PPP4R1: variants seen among roughly 807,000 people sequenced by gnomAD.
PPP4R1 encodes the protein protein phosphatase 4 regulatory subunit 1.
Under a neutral mutation model 111.2 loss-of-function variants are expected in PPP4R1, and 42 were observed. The observed-to-expected ratio is 0.38, with a 90% CI of 0.29 to 0.49. PPP4R1 has a LOEUF of 0.49. Among genes scored for constraint, PPP4R1 ranks in the 20% least tolerant of loss-of-function variants. PPP4R1 has a pLI of 0.97. For synonymous variants in PPP4R1, 409 were observed against 405.5 expected (o/e 1.01, Z -0.10); for missense variants, 1,012 against 1,161.6 (o/e 0.87, Z 1.87).
At chr18:9,594,244 T>C (rs1371630735) in intron 3 of PPP4R1, 1 of 156,516 alleles carries the variant, frequency 6.4e-6, no homozygotes, top group African/African-American at 2.4e-5. Context: ...TCTAGAATTT[T>C]AAAAGACAAA....
Position 9,570,182 on chromosome 18 carries a change from G to A in PPP4R1, c.1548C>T (p.Pro516=), listed in dbSNP as rs1408060474. ...ELEEMIENLE[P]HIDDPDVKAQ... is the part of the protein sequence containing the mutation. ...CTTTAACATCTGGATCATCAATGTG[G>A]GGCTCTAGATTTTCTATCATTTCTT... Residue 516 remains proline (P), a synonymous_variant, in exon 11 of 20, where the codon CCC becomes CCT. Transcript: ENST00000400556. 1.3e-6 allele frequency: 2 copies of A among 1,529,232 alleles called. No homozygotes were observed. Among genetic ancestry groups the A allele is most frequent in the East Asian group, 2.3e-5 (1 of 43,682 alleles). 94.7% of individuals were successfully genotyped at this position (1,529,232 alleles called of 1,614,324 possible). A position where few individuals can be genotyped will look rare whatever the true frequency, so the allele number is the denominator to read the frequency against.
intron 16 of PPP4R1, chr18:9,551,462 C>A: frequency 6.6e-6 from 1 of 152,450 alleles, no homozygotes. Context: ...GTGCCCGACA[C>A]AGGGAGCTCA....
chr18:9,549,190 T>C lies in PPP4R1; in HGVS notation c.2689+7A>G, dbSNP rs369782879. ...CACACGCTTCTTCTAGTGGAGTCAC[T>C]ACCTACCTTTTTCTAGTAGAGTTTG... On this transcript the variant is annotated splice_region_variant and intron_variant, in intron 19 of 19. Transcript: ENST00000400556. The C allele has an allele frequency of 4.3e-6, 7 of 1,611,366 alleles. No homozygotes were observed. In the African/African-American group the frequency reaches 5.3e-5, roughly 12 times the overall value.
At chr18:9,571,688 G>A (rs1438300192) in intron 10 of PPP4R1, among the ~76,000 whole-genome samples, 1 of 152,152 alleles carries the variant, frequency 6.6e-6, no homozygotes, top group East Asian at 1.9e-4. Context: ...GGGCTAAGGG[G>A]AAGAAAAAAG....
At chr18:9,607,161 C>T (rs2067494843) in intron 2 of PPP4R1, among the ~76,000 whole-genome samples, 1 of 152,032 alleles carries the variant, frequency 6.6e-6, no homozygotes, top group Admixed American at 6.6e-5. Flanking sequence ...GAGCTCAAGG[C>T]CAGCCTAGAC....
chr18:9,547,634 C>T lies in PPP4R1; in HGVS notation c.*155G>A. The T allele has an allele frequency of 1.3e-6, 1 of 753,588 alleles. No individual in the cohort carries two copies. The highest frequency in any genetic ancestry group is 1.9e-5 in the South Asian group (1 of 53,682). 46.7% of individuals were successfully genotyped at this position (753,588 alleles called of 1,614,324 possible). A position where few individuals can be genotyped will look rare whatever the true frequency, so the allele number is the denominator to read the frequency against. ...TACTTTCTCTTGACTCTTGAAATCCCTGGTATTGGGTGTAGGCAACTTGCA... is the reference window on the plus strand; with the variant it reads ...TACTTTCTCTTGACTCTTGAAATCCTTGGTATTGGGTGTAGGCAACTTGCA... On this transcript the variant is annotated 3_prime_UTR_variant, in exon 20 of 20. Transcript: ENST00000400556.
In PPP4R1 at chr18:9,583,185, A is replaced by G. The variant is rs1369827460; in HGVS notation, c.850T>C (p.Cys284Arg). 1.2e-6 allele frequency: 2 copies of G among 1,612,212 alleles called. No individual in the cohort carries two copies. Among genetic ancestry groups the G allele is most frequent in the Admixed American group, 1.7e-5 (1 of 59,982 alleles). Reference sequence around the variant, plus strand: ...AATTTGGTCCGTCGGATTTCTTGACATGTTGCACATGAAACCGCCATGAAG... The same window carrying G: ...AATTTGGTCCGTCGGATTTCTTGACGTGTTGCACATGAAACCGCCATGAAG... ...ECFMAVSCAT[C>R]QEIRRTKLSA... is the part of the protein sequence containing the mutation. The change falls in exon 9 of 20, where the codon TGT becomes CGT. Residue 284 changes from cysteine to arginine, a missense_variant. Cys to Arg is a radical substitution (Grantham distance 180). Transcript: ENST00000400556.
intron 13 of PPP4R1, among the ~76,000 whole-genome samples, chr18:9,560,509 G>A (rs935671403): frequency 6.6e-6 from 1 of 151,934 alleles, no homozygotes; most frequent in Non-Finnish European, 1.5e-5. Context: ...AAACTGAGAG[G>A]GGAACATCAC....
intron 9 of PPP4R1, among the ~76,000 whole-genome samples, chr18:9,581,566 G>A (rs1447263775): frequency 2.0e-5 from 3 of 152,006 alleles, no homozygotes; most frequent in Non-Finnish European, 2.9e-5. Context: ...AATGAAAAGG[G>A]CCTCAAAGAA....
intron 6 of PPP4R1, chr18:9,587,410 T>C (rs1285550950): frequency 6.6e-6 from 1 of 150,978 alleles, no homozygotes; most frequent in Non-Finnish European, 1.5e-5. Flanking sequence ...TTTTTTTTGT[T>C]TTGTTTTTTT....
chr18:9,586,985 T>C (rs1434112229), intron 6 of PPP4R1, among the ~76,000 whole-genome samples: 1 of 152,188 alleles, frequency 6.6e-6, no homozygotes, highest in Non-Finnish European at 1.5e-5. Flanking sequence ...GACTTAACAA[T>C]CTGTATATTC....
intron 14 of PPP4R1, among the ~76,000 whole-genome samples, chr18:9,557,603 G>A (rs2066608137): frequency 6.7e-6 from 1 of 149,738 alleles, no homozygotes; most frequent in Non-Finnish European, 1.5e-5. Flanking sequence ...TTTCATTTAT[G>A]AGGAGAAAAT....
At chr18:9,597,137 C>A (rs186140642) in intron 2 of PPP4R1, among the ~76,000 whole-genome samples, 2 of 152,120 alleles carry the variant, frequency 1.3e-5, no homozygotes, top group African/African-American at 2.4e-5. Flanking sequence ...CACAGTGAGA[C>A]CCCCATCTCT....
At position 9,563,484 on chromosome 18, in the gene PPP4R1, C is replaced by T. The variant is rs1383781317; in HGVS notation, c.1640G>A (p.Ser547Asn). ...SSLDAHEETI[S>N]IEKRSDLQDE... is the part of the protein sequence containing the mutation. ...TTGCAAATCACTTCTCTTTTCTATA[C>T]TGATGGTCTCTTCATGTGCATCCAG... The change falls in exon 12 of 20, where the codon AGT becomes AAT. Residue 547 changes from serine (S) to asparagine (N), a missense_variant. Coordinates refer to ENST00000400556, the MANE Select transcript of PPP4R1 (RefSeq NM_001042388.3). The T allele has an allele frequency of 6.2e-7, 1 of 1,607,388 alleles. No individual in the cohort carries two copies. Among genetic ancestry groups the T allele is most frequent in the Non-Finnish European group, 8.5e-7 (1 of 1,174,318 alleles).
At chr18:9,604,015 T>C (rs1294535213) in intron 2 of PPP4R1, among the ~76,000 whole-genome samples, 2 of 152,180 alleles carry the variant, frequency 1.3e-5, no homozygotes, top group African/African-American at 4.8e-5. Flanking sequence ...AAAAAATGAA[T>C]AGTGGGTATC....
chr18:9,548,448 T>C (rs1377009303), intron 19 of PPP4R1, among the ~76,000 whole-genome samples: 1 of 152,116 alleles, frequency 6.6e-6, no homozygotes. Context: ...CCTTTAATCT[T>C]GAAGAGATTA....
At chr18:9,549,909 C>T in intron 18 of PPP4R1, 143 bp downstream of exon 18, 1 of 1,247,660 alleles carries the variant, frequency 8.0e-7, no homozygotes, top group Non-Finnish European at 1.1e-6. Context: ...ACAATGGGGG[C>T]AGATGATCCT....
rs1178823297 is a variant in PPP4R1 at position 9,564,697 on chromosome 18, G to GGT, written c.1574-1149_1574-1148dup. On this transcript the variant is annotated intron_variant, in intron 11 of 19. Transcript: ENST00000400556. The stretch of plus-strand genomic sequence containing the variant: ...ATGTTTTGTCCCATATAAAGTGCAT[G>GGT]GTGTGTGTGTGTGTGTGTGTGTGTG... Among the ~76,000 whole-genome samples the GGT allele has an allele frequency of 5.6e-3, 525 of 93,562 alleles. 2 individuals carry two copies. The highest frequency in any genetic ancestry group is 0.02 in the East Asian group (69 of 3,408). 61.4% of individuals were successfully genotyped at this position (93,562 alleles called of 152,430 possible). A position where few individuals can be genotyped will look rare whatever the true frequency, so the allele number is the denominator to read the frequency against.
At chr18:9,616,197 T>C (rs992657516), upstream of PPP4R1, among the ~76,000 whole-genome samples, 1 of 151,774 alleles carries the variant, frequency 6.6e-6, no homozygotes, top group African/African-American at 2.4e-5. Context: ...ACCTTGTCAG[T>C]ATCTACCACT....
Sources: gnomAD v4.1 joint callset for allele counts (sites outside exome capture counted in the v4.1 genomes callset) on GRCh38, gnomAD v4.1.1 for gene constraint, MANE v1.5 for transcripts, NCBI Gene and HGNC (gene_info 2026-07-23, HGNC 2026-07-21) for gene names.